The following PLXDC2 variants were observed in gnomAD, a reference collection of about 807,000 sequenced individuals.
The protein encoded by PLXDC2 is plexin domain-containing protein 2.
PLXDC2 carries 40 observed loss-of-function variants against 68.9 expected under a neutral mutation model. That is an observed-to-expected ratio of 0.58 (90% CI 0.45 to 0.76). The LOEUF is 0.76. Ranked by LOEUF, PLXDC2 falls within the 30% of genes least tolerant of loss-of-function variation. The probability of loss-of-function intolerance (pLI) is 0.00; values close to 1 mark genes in which losing one functional copy is unlikely to be tolerated. For missense variants in PLXDC2, 644 were observed against 661.9 expected, an observed-to-expected ratio of 0.97 and a Z score of 0.30; for synonymous variants, 243 against 234.2, an observed-to-expected ratio of 1.04 and a Z score of -0.34.
chr10:20,023,090 A>G (rs1835340168), intron 2 of PLXDC2, among the ~76,000 whole-genome samples: 1 of 147,266 alleles, frequency 6.8e-6, no homozygotes, highest in South Asian at 2.1e-4. Context: ...ATATATATGT[A>G]TATATATAAT....
At chr10:20,113,238 C>A (rs1833581056) in intron 4 of PLXDC2, among the ~76,000 whole-genome samples, 1 of 152,178 alleles carries the variant, frequency 6.6e-6, no homozygotes, top group Admixed American at 6.5e-5. Flanking sequence ...ATACCTTACA[C>A]TGTATGGGTT....
intron 4 of PLXDC2, among the ~76,000 whole-genome samples, chr10:20,141,088 A>G (rs1156399683): frequency 6.6e-6 from 1 of 152,086 alleles, no homozygotes; most frequent in Non-Finnish European, 1.5e-5. Flanking sequence ...ATTCTTCTGT[A>G]TTTCTACTTA....
intron 1 of PLXDC2, among the ~76,000 whole-genome samples, chr10:19,930,313 C>T (rs1833605549): frequency 6.6e-6 from 1 of 152,136 alleles, no homozygotes; most frequent in African/African-American, 2.4e-5. Flanking sequence ...AGGATAGAAA[C>T]TTCCTTTTTT....
intron 1 of PLXDC2, among the ~76,000 whole-genome samples, chr10:19,819,692 G>A (rs558563430): frequency 3.9e-5 from 6 of 152,332 alleles, no homozygotes; most frequent in African/African-American, 1.2e-4. Flanking sequence ...TTAGAGGGAA[G>A]TAGTTTATGT....
At chr10:20,142,688 C>T (rs963057157) in intron 4 of PLXDC2, among the ~76,000 whole-genome samples, 4 of 151,808 alleles carry the variant, frequency 2.6e-5, no homozygotes, top group Non-Finnish European at 5.9e-5. Flanking sequence ...TACCACCTTA[C>T]CTGCAAACAT....
At chr10:20,245,308 A>G in intron 12 of PLXDC2, 37 bp from the exon 13 acceptor site, 1 of 1,563,678 alleles carries the variant, frequency 6.4e-7, no homozygotes, top group African/African-American at 1.4e-5. Context: ...TTGAGGGTAA[A>G]CTCATGAAGG....
intron 4 of PLXDC2, among the ~76,000 whole-genome samples, chr10:20,093,419 C>A (rs535493174): frequency 6.6e-6 from 1 of 152,000 alleles, no homozygotes; most frequent in Non-Finnish European, 1.5e-5. Flanking sequence ...AATGGGCCAG[C>A]CATTGGCAAA....
chr10:19,890,306 G>C (rs1448810376), intron 1 of PLXDC2, among the ~76,000 whole-genome samples: 2 of 152,088 alleles, frequency 1.3e-5, no homozygotes, highest in Non-Finnish European at 2.9e-5. Context: ...TGGATGTACT[G>C]TGTGTGATGC....
chr10:19,983,265 A>G lies in PLXDC2; in HGVS notation c.113-18510A>G, dbSNP rs55908827. 8.2e-3 allele frequency among the ~76,000 whole-genome samples: 1,247 copies of G among 152,282 alleles called. 21 individuals are homozygous for G. The highest frequency in any genetic ancestry group is 0.029 in the African/African-American group (1,187 of 41,560). ...ACTGGTGAATTCTATTTTATAATTA[A>G]TTCTTTTTTCTGAATTAACCCAGCC... On this transcript the variant is annotated intron_variant, in intron 1 of 13. Transcript: ENST00000377252.
rs574950633 is a variant in PLXDC2, at chr10:20,102,775, C to A, written c.541+34536C>A. The stretch of plus-strand genomic sequence containing the variant: ...AACATGTCAGATAAGCAGTTAAGAT[C>A]TTTGAGTATAATGTCTAGAGGAAAA... On this transcript the variant is annotated intron_variant, in intron 4 of 13. Transcript: ENST00000377252. 3.2e-4 allele frequency among the ~76,000 whole-genome samples: 48 copies of A among 152,228 alleles called. 1 individual carries two copies. In the South Asian group the frequency reaches 8.7e-3, roughly 28 times the overall value.
intron 4 of PLXDC2, among the ~76,000 whole-genome samples, chr10:20,090,384 C>A (rs1564311686): frequency 6.6e-6 from 1 of 152,076 alleles, no homozygotes; most frequent in Non-Finnish European, 1.5e-5. Flanking sequence ...AAAATCCAAG[C>A]AAGAGGTGGC....
At chr10:19,997,102 G>A (rs190470499) in intron 1 of PLXDC2, among the ~76,000 whole-genome samples, 61 of 152,290 alleles carry the variant, frequency 4.0e-4, no homozygotes, top group Middle Eastern at 6.8e-3. Flanking sequence ...AAAATAGAGT[G>A]TCTAGGTCCC....
At chr10:20,072,348 C>A (rs1053260023) in intron 4 of PLXDC2, among the ~76,000 whole-genome samples, 2 of 140,816 alleles carry the variant, frequency 1.4e-5, no homozygotes, top group African/African-American at 2.7e-5. Flanking sequence ...TCAGCCTGGG[C>A]AACAAGAGCA....
chr10:20,032,269 T>C (rs920927425), intron 2 of PLXDC2, among the ~76,000 whole-genome samples: 1 of 152,194 alleles, frequency 6.6e-6, no homozygotes, highest in Non-Finnish European at 1.5e-5. Flanking sequence ...ATGTATGATG[T>C]TGGAGAATAT....
intron 1 of PLXDC2, among the ~76,000 whole-genome samples, chr10:19,835,111 C>G (rs1836765624): frequency 6.6e-6 from 1 of 152,146 alleles, no homozygotes; most frequent in Admixed American, 6.5e-5. Flanking sequence ...GCCTGTTGGG[C>G]AAGAGCAGGC....
At chr10:20,071,426 C>T (rs747413993) in intron 4 of PLXDC2, among the ~76,000 whole-genome samples, 5 of 152,076 alleles carry the variant, frequency 3.3e-5, no homozygotes, top group Non-Finnish European at 5.9e-5. Context: ...GGAGGGACCA[C>T]GTGGGAGGTA....
intron 1 of PLXDC2, among the ~76,000 whole-genome samples, chr10:19,895,138 G>A (rs1463469183): frequency 6.6e-6 from 1 of 152,144 alleles, no homozygotes; most frequent in African/African-American, 2.4e-5. Flanking sequence ...GGACATGGAT[G>A]AAACTGAACT....
intron 7 of PLXDC2, among the ~76,000 whole-genome samples, chr10:20,167,707 A>G (rs1403249302): frequency 2.0e-5 from 3 of 152,120 alleles, no homozygotes; most frequent in East Asian, 3.9e-4. Context: ...TTTTAGTTAC[A>G]TAGGTTATAT....
At chr10:20,046,781 A>C in intron 2 of PLXDC2, 88 bp from the exon 3 acceptor site, 1 of 1,331,794 alleles carries the variant, frequency 7.5e-7, no homozygotes. Flanking sequence ...AAAAACTATT[A>C]ATACTCTTGA....
Sources: allele counts gnomAD v4.1 joint callset (sites outside exome capture counted in the v4.1 genomes callset), GRCh38; gene constraint gnomAD v4.1.1; transcripts MANE v1.5; gene names NCBI Gene and HGNC (gene_info 2026-07-23, HGNC 2026-07-21).